LRRC20: variants seen among roughly 807,000 people sequenced by gnomAD.
LRRC20 encodes the protein leucine-rich repeat-containing protein 20.
A neutral mutation model predicts 14.4 loss-of-function variants in LRRC20; 11 were observed. That is an observed-to-expected ratio of 0.77 (90% CI 0.48 to 1.27). The LOEUF (loss-of-function observed/expected upper bound fraction) is 1.27. Among genes scored for constraint, LRRC20 ranks in the 50% most tolerant of loss-of-function variants. The pLI is 0.00. For synonymous variants in LRRC20, 121 were observed against 107.3 expected (o/e 1.13, Z -0.79); for missense variants, 219 against 251.2 (o/e 0.87, Z 0.87).
At chr10:70,343,135 G>A (rs571334924) in intron 2 of LRRC20, among the ~76,000 whole-genome samples, 14 of 152,166 alleles carry the variant, frequency 9.2e-5, no homozygotes, top group Non-Finnish European at 1.9e-4. Context: ...CCTTCTCCAT[G>A]AAGCTTTCTC....
chr10:70,365,256 C>T (rs529072799), intron 2 of LRRC20, among the ~76,000 whole-genome samples: 1 of 152,182 alleles, frequency 6.6e-6, no homozygotes, highest in Non-Finnish European at 1.5e-5. Flanking sequence ...GACGGGGTTT[C>T]ACCATGTTGG....
chr10:70,373,281 T>C (rs573295287), intron 2 of LRRC20, among the ~76,000 whole-genome samples: 1 of 152,298 alleles, frequency 6.6e-6, no homozygotes, highest in East Asian at 1.9e-4. Context: ...TCTACTTCAA[T>C]ACCCAGCAAT....
intron 3 of LRRC20, among the ~76,000 whole-genome samples, chr10:70,327,317 G>A (rs986640781): frequency 6.6e-6 from 1 of 152,182 alleles, no homozygotes; most frequent in East Asian, 1.9e-4. Flanking sequence ...GCTCACGCCT[G>A]TAATCCCAGC....
chr10:70,321,630 C>G (rs979809397), intron 4 of LRRC20, among the ~76,000 whole-genome samples: 3 of 152,214 alleles, frequency 2.0e-5, no homozygotes, highest in South Asian at 4.1e-4. Flanking sequence ...TGGGGTAAAC[C>G]AGGAGCCCCT....
chr10:70,358,940 G>A lies in LRRC20; in HGVS notation c.82+17512C>T, dbSNP rs191625611. Reference sequence around the variant, plus strand: ...GAACATAGTTACACCCCTCACCATCGGGAAGCTTGGTCTCAGCATCCCACT... The same window carrying A: ...GAACATAGTTACACCCCTCACCATCAGGAAGCTTGGTCTCAGCATCCCACT... On this transcript the variant is annotated intron_variant, in intron 2 of 4. Coordinates refer to ENST00000446961, the MANE Select transcript of LRRC20 (RefSeq NM_001278212.2). Among the ~76,000 whole-genome samples, 138 of 152,278 alleles carry A rather than the reference G, an allele frequency of 9.1e-4. 1 individual carries two copies. Among genetic ancestry groups the A allele is most frequent in the African/African-American group, 3.1e-3 (128 of 41,546 alleles).
chr10:70,338,211 C>T (rs1842780390), intron 3 of LRRC20, among the ~76,000 whole-genome samples: 1 of 152,178 alleles, frequency 6.6e-6, no homozygotes, highest in Admixed American at 6.5e-5. Context: ...CCTTGTCCTT[C>T]TGTTTGCATG....
At chr10:70,323,711 G>T in intron 4 of LRRC20, 152 bp downstream of exon 4, 2 of 848,128 alleles carry the variant, frequency 2.4e-6, no homozygotes, top group Non-Finnish European at 3.6e-6. Flanking sequence ...GCCTCAAAAT[G>T]TCTACCTTCC....
intron 3 of LRRC20, among the ~76,000 whole-genome samples, chr10:70,328,562 G>A (rs543327879): frequency 5.9e-5 from 9 of 152,334 alleles, no homozygotes; most frequent in Non-Finnish European, 1.3e-4. Flanking sequence ...CTTCCAAAGT[G>A]CTAGGATTAC....
At chr10:70,319,519 C>T (rs922819864) in intron 4 of LRRC20, among the ~76,000 whole-genome samples, 4 of 152,192 alleles carry the variant, frequency 2.6e-5, no homozygotes, top group Admixed American at 2.0e-4. Context: ...CGAGGACAGC[C>T]ACCCTCCCAC....
intron 4 of LRRC20, among the ~76,000 whole-genome samples, chr10:70,307,750 T>C (rs556452224): frequency 5.9e-4 from 90 of 152,364 alleles, no homozygotes; most frequent in Non-Finnish European, 1.2e-3. Context: ...TACGCCCGGC[T>C]TTCCAGTGAC....
At chr10:70,326,040 G>T (rs77896295) in intron 3 of LRRC20, among the ~76,000 whole-genome samples, 1 of 152,032 alleles carries the variant, frequency 6.6e-6, no homozygotes, top group Non-Finnish European at 1.5e-5. Context: ...GTAAATGAAA[G>T]GCACCATGAC....
intron 2 of LRRC20, among the ~76,000 whole-genome samples, chr10:70,354,176 CA>C (rs1380135095): frequency 2.0e-5 from 3 of 152,128 alleles, no homozygotes; most frequent in Non-Finnish European, 2.9e-5. Flanking sequence ...GTCTCTCTCC[CA>C]GAGAGTCTGA....
At chr10:70,378,432 C>A (rs987642074) in intron 1 of LRRC20, among the ~76,000 whole-genome samples, 1 of 150,404 alleles carries the variant, frequency 6.6e-6, no homozygotes, top group Non-Finnish European at 1.5e-5. Flanking sequence ...CACTTGAGGT[C>A]GGGAGTTGGA....
chr10:70,316,422 C>T (rs2006993), intron 4 of LRRC20, among the ~76,000 whole-genome samples: 84,710 of 152,208 alleles, frequency 0.56, 24,418 homozygotes, highest in South Asian at 0.64. Flanking sequence ...CGTGAGCCAC[C>T]GCGCCCGGCC....
rs35268278 is a variant in LRRC20, at chr10:70,321,013, C to T, written c.400+2850G>A. ...CGTCTTTCCAGCGCCAGGTTGGGGC[C>T]GCTTTGGGGAGGTCCCTTTAGGGTG... On this transcript the variant is annotated intron_variant, in intron 4 of 4. Transcript: ENST00000446961. Among the ~76,000 whole-genome samples the T allele has an allele frequency of 5.7e-3, 865 of 152,274 alleles. 9 individuals are homozygous for T. The highest frequency in any genetic ancestry group is 0.01 in the Admixed American group (153 of 15,296).
chr10:70,365,222 G>A (rs1365776880), intron 2 of LRRC20, among the ~76,000 whole-genome samples: 1 of 152,086 alleles, frequency 6.6e-6, no homozygotes, highest in Non-Finnish European at 1.5e-5. Context: ...ACCAAGCCCA[G>A]CTAATTTTTG....
rs920783721 is a variant in LRRC20 at position 70,301,519 on chromosome 10, C to G, written c.401-11G>C. On this transcript the variant is annotated splice_polypyrimidine_tract_variant and intron_variant, in intron 4 of 4. Transcript: ENST00000446961. ...TCTCCACGGGCACATCTATTGGGGA[C>G]AGAATGGACAGGTTAGAGTGGTGGA... is the stretch of plus-strand genomic sequence containing the variant. 6.2e-7 allele frequency: 1 copy of G among 1,613,342 alleles called. No individual in the cohort carries two copies. The highest frequency in any genetic ancestry group is 1.7e-5 in the Admixed American group (1 of 59,986).
rs569319788 is a variant in LRRC20 at position 70,336,263 on chromosome 10, C to G, written c.232+4290G>C. 2.1e-3 allele frequency among the ~76,000 whole-genome samples: 316 copies of G among 152,278 alleles called. 1 individual carries two copies. The highest frequency in any genetic ancestry group is 7.2e-3 in the African/African-American group (301 of 41,544). On this transcript the variant is annotated intron_variant, in intron 3 of 4. Coordinates refer to ENST00000446961, the MANE Select transcript of LRRC20 (RefSeq NM_001278212.2). ...GTGGGAATCTGCTGGATTGAGTTGA[C>G]GGGCAGGGATGTGAGAGACTGAATA...
At chr10:70,324,530 A>C (rs552667873) in intron 3 of LRRC20, among the ~76,000 whole-genome samples, 1 of 152,230 alleles carries the variant, frequency 6.6e-6, no homozygotes, top group African/African-American at 2.4e-5. Flanking sequence ...ACCACAGCTG[A>C]CCCAATGTGG....
Sources: gnomAD v4.1 joint callset for allele counts (sites outside exome capture counted in the v4.1 genomes callset) on GRCh38, gnomAD v4.1.1 for gene constraint, MANE v1.5 for transcripts, NCBI Gene and HGNC (gene_info 2026-07-23, HGNC 2026-07-21) for gene names.